Variants in CDC14A observed in about 807,000 individuals in gnomAD.
CDC14A encodes the protein dual specificity protein phosphatase CDC14A.
CDC14A carries 53 observed loss-of-function variants against 74.4 expected under a neutral mutation model. The ratio of observed to expected loss-of-function variants is 0.71; its 90% CI spans 0.57 to 0.89. CDC14A has a LOEUF of 0.89. Among genes scored for constraint, CDC14A ranks in the 40% least tolerant of loss-of-function variants. CDC14A has a pLI of 0.00. For synonymous variants in CDC14A, 247 were observed against 258.4 expected (o/e 0.96, Z 0.43); for missense variants, 646 against 713.7 (o/e 0.91, Z 1.08).
chr1:100,461,902 C>CTTAA (rs1297851576), intron 8 of CDC14A, among the ~76,000 whole-genome samples: 1 of 152,126 alleles, frequency 6.6e-6, no homozygotes, highest in Non-Finnish European at 1.5e-5. Flanking sequence ...TCAAGTCTTA[C>CTTAA]TTAAGTATTC....
chr1:100,346,284 G>A (rs1650419172), intron 1 of CDC14A, among the ~76,000 whole-genome samples: 1 of 152,118 alleles, frequency 6.6e-6, no homozygotes, highest in South Asian at 2.1e-4. Context: ...AGTGGTGTGG[G>A]GAATATTATC....
rs149631785 is a variant in CDC14A, at chr1:100,362,223, G to A, written c.140+8371G>A. ...TATTTAAAATGTGGGGAGGTAAGTG[G>A]CACAACTGATCTCAAGTTCCTTTCT... is the stretch of plus-strand genomic sequence containing the variant. On this transcript the variant is annotated intron_variant, in intron 2 of 15. Coordinates refer to ENST00000336454, the MANE Select transcript of CDC14A (RefSeq NM_003672.4). Among the ~76,000 whole-genome samples, 411 of 152,294 alleles carry A rather than the reference G, an allele frequency of 2.7e-3. 2 individuals are homozygous for A. Among genetic ancestry groups the A allele is most frequent in the Middle Eastern group, 0.02 (6 of 294 alleles).
intron 4 of CDC14A, among the ~76,000 whole-genome samples, chr1:100,404,745 G>A (rs954988016): frequency 2.0e-5 from 3 of 151,990 alleles, no homozygotes; most frequent in African/African-American, 4.8e-5. Context: ...CAGGAGAATC[G>A]CTTGAACCCG....
chr1:100,349,537 G>A (rs971326204), upstream of CDC14A, among the ~76,000 whole-genome samples: 3 of 152,192 alleles, frequency 2.0e-5, no homozygotes, highest in African/African-American at 4.8e-5. Context: ...TGTATTATAC[G>A]TGTGCTGTGT....
At chr1:100,346,536 A>G (rs1337390125) in intron 1 of CDC14A, among the ~76,000 whole-genome samples, 1 of 150,212 alleles carries the variant, frequency 6.7e-6, no homozygotes, top group East Asian at 2.0e-4. Flanking sequence ...GGAGCCTGAG[A>G]TGGGGGAATC....
In CDC14A at chr1:100,519,031, A is replaced by C. The variant is rs182797022; in HGVS notation, c.*751A>C. ...TGGGGGGCTTTAAAATACAGCATGC[A>C]GTGAAAGATCAGAATTCACTGAATA... On this transcript the variant is annotated 3_prime_UTR_variant, in exon 16 of 16. Transcript: ENST00000336454. 1.3e-5 allele frequency: 2 copies of C among 152,264 alleles called. No homozygotes were observed. The highest frequency in any genetic ancestry group is 1.9e-4 in the East Asian group (1 of 5,184). 9.4% of individuals were successfully genotyped at this position (152,264 alleles called of 1,614,324 possible).
At chr1:100,351,832 A>T, upstream of CDC14A, 1 of 1,526,938 alleles carries the variant, frequency 6.5e-7, no homozygotes, top group Non-Finnish European at 8.9e-7. Context: ...AAACCAATAC[A>T]TGTACTGTGA....
chr1:100,438,710 A>C (rs1664607817), intron 5 of CDC14A, among the ~76,000 whole-genome samples: 1 of 152,224 alleles, frequency 6.6e-6, no homozygotes. Flanking sequence ...TCCTAGTTTT[A>C]TGTTAGGCTT....
At chr1:100,478,300 A>G (rs1669121260) in intron 10 of CDC14A, among the ~76,000 whole-genome samples, 1 of 151,568 alleles carries the variant, frequency 6.6e-6, no homozygotes, top group South Asian at 2.1e-4. Flanking sequence ...CTGCTTTTAC[A>G]ACTTGGTTGA....
rs751019273 is a variant in CDC14A, at chr1:100,393,079, T to C, written c.309+2255T>C. 8.9e-4 allele frequency: 1,281 copies of C among 1,431,472 alleles called. 1 individual carries two copies. The highest frequency in any genetic ancestry group is 1.0e-3 in the Non-Finnish European group (1,040 of 1,018,302). 88.7% of individuals were successfully genotyped at this position (1,431,472 alleles called of 1,614,324 possible). A position where few individuals can be genotyped will look rare whatever the true frequency, so the allele number is the denominator to read the frequency against. On this transcript the variant is annotated intron_variant, in intron 4 of 15. Coordinates refer to ENST00000336454, the MANE Select transcript of CDC14A (RefSeq NM_003672.4). Reference sequence around the variant, plus strand: ...TTCTTTGTTTGCCTTTCCATGTTGCTGTTTAATTTGATAGATTTCATTTTC... The same window carrying C: ...TTCTTTGTTTGCCTTTCCATGTTGCCGTTTAATTTGATAGATTTCATTTTC...
chr1:100,395,375 C>G (rs2100999330), intron 4 of CDC14A, among the ~76,000 whole-genome samples: 1 of 152,238 alleles, frequency 6.6e-6, no homozygotes, highest in South Asian at 2.1e-4. Context: ...CAAGTCATTC[C>G]CTTTTTAGTA....
At chr1:100,420,295 G>T (rs1429760735) in intron 4 of CDC14A, among the ~76,000 whole-genome samples, 1 of 151,200 alleles carries the variant, frequency 6.6e-6, no homozygotes. Flanking sequence ...ATCTCCCCTT[G>T]TGTATCAGAG....
intron 6 of CDC14A, among the ~76,000 whole-genome samples, chr1:100,440,425 C>A (rs1445873262): frequency 6.6e-6 from 1 of 152,146 alleles, no homozygotes; most frequent in African/African-American, 2.4e-5. Flanking sequence ...TGTATTTGAA[C>A]AACCTCTCCA....
chr1:100,498,205 A>C lies in CDC14A; in HGVS notation c.1419A>C (p.Arg473Ser), dbSNP rs1186357112. ...RTSLSSGATV[R>S]SFSINSRLAS... is the part of the protein sequence containing the mutation. Reference sequence around the variant, plus strand: ...CTTTGTCTTCGGGTGCCACTGTAAGAAGGTAATTTTTCTCTCCCTCTTCTA... The same window carrying C: ...CTTTGTCTTCGGGTGCCACTGTAAGCAGGTAATTTTTCTCTCCCTCTTCTA... The change falls in exon 14 of 16, where the codon AGA becomes AGC. Residue 473 changes from arginine (R) to serine (S), a missense_variant and splice_region_variant. By Grantham distance (110) the Arg-to-Ser change is moderately radical. Transcript: ENST00000336454. 6.2e-7 allele frequency: 1 copy of C among 1,613,442 alleles called. No individual in the cohort carries two copies. The highest frequency in any genetic ancestry group is 1.7e-5 in the Admixed American group (1 of 59,836).
chr1:100,455,471 C>G lies in CDC14A; in HGVS notation c.586C>G (p.Pro196Ala). The G allele has an allele frequency of 1.9e-6, 3 of 1,590,028 alleles. No homozygotes were observed. Among genetic ancestry groups the G allele is most frequent in the Non-Finnish European group, 2.6e-6 (3 of 1,171,250 alleles). Residue 196 changes from proline to alanine, a missense_variant, in exon 8 of 16, where the codon CCT (proline) becomes GCT (alanine). By Grantham distance (27) the Pro-to-Ala change is conservative. Coordinates refer to ENST00000336454, the MANE Select transcript of CDC14A (RefSeq NM_003672.4). ...GKFLAFSGPH[P>A]KSKIENGYPL... ...ATTTTTAGCATTTAGTGGACCACATCCTAAAAGCAAAATTGAGAATGGTAG... is the reference window on the plus strand; with the variant it reads ...ATTTTTAGCATTTAGTGGACCACATGCTAAAAGCAAAATTGAGAATGGTAG...
chr1:100,475,871 G>A (rs1571291130), intron 10 of CDC14A, among the ~76,000 whole-genome samples: 1 of 152,172 alleles, frequency 6.6e-6, no homozygotes, highest in Admixed American at 6.5e-5. Context: ...AGTGAGGAGT[G>A]GGGCCGAAAT....
chr1:100,442,902 C>T (rs747026674), intron 6 of CDC14A, 32 bp from the exon 7 acceptor site: 7 of 1,412,724 alleles, frequency 5.0e-6, no homozygotes, highest in Admixed American at 1.7e-5. Flanking sequence ...ATCAATTTAG[C>T]ATGGAAAAAC....
At chr1:100,412,782 A>G (rs940630933) in intron 4 of CDC14A, among the ~76,000 whole-genome samples, 11 of 123,046 alleles carry the variant, frequency 8.9e-5, no homozygotes, top group Admixed American at 3.3e-4. Flanking sequence ...ATATATATAT[A>G]TAGTATGTAT....
At chr1:100,482,825 T>C (rs1669624936) in intron 10 of CDC14A, among the ~76,000 whole-genome samples, 1 of 151,996 alleles carries the variant, frequency 6.6e-6, no homozygotes, top group South Asian at 2.1e-4. Flanking sequence ...GATATAGATA[T>C]CTATATATAT....
Sources: allele counts gnomAD v4.1 joint callset (sites outside exome capture counted in the v4.1 genomes callset), GRCh38; gene constraint gnomAD v4.1.1; transcripts MANE v1.5; gene names NCBI Gene and HGNC (gene_info 2026-07-23, HGNC 2026-07-21).